Variants in PCDH19 observed in about 807,000 individuals in gnomAD.
The protein encoded by PCDH19 is protocadherin-19.
Under a neutral mutation model 46.2 loss-of-function variants are expected in PCDH19, and 6 were observed. That is an observed-to-expected ratio of 0.13 (90% CI 0.07 to 0.26). The LOEUF is 0.26. Ranked by LOEUF, PCDH19 falls within the 10% of genes least tolerant of loss-of-function variation. The pLI, the probability that PCDH19 is intolerant of heterozygous loss-of-function variation, is 1.00. For synonymous variants in PCDH19, 481 were observed against 415.7 expected (o/e 1.16, Z -1.91); for missense variants, 740 against 972.3 (o/e 0.76, Z 3.18).
chrX:100,366,869 G>C (rs1927081802), intron 3 of PCDH19, among the ~76,000 whole-genome samples: 1 of 111,749 alleles, frequency 8.9e-6, no homozygotes, highest in South Asian at 3.8e-4. Flanking sequence ...CAGTAATTCT[G>C]ACTGCCCTAC....
chrX:100,320,772 CT>C (rs1173899868), intron 5 of PCDH19, among the ~76,000 whole-genome samples: 958 of 95,091 alleles, frequency 0.01, 7 homozygotes, highest in African/African-American at 0.015. Flanking sequence ...AGAAAAAGTT[CT>C]TTTTTTTTTT....
At chrX:100,335,628 A>G (rs934455066) in intron 5 of PCDH19, among the ~76,000 whole-genome samples, 10 of 112,019 alleles carry the variant, frequency 8.9e-5, no homozygotes, top group African/African-American at 2.6e-4. Context: ...TTAAAATAGA[A>G]TTATTCATTT....
intron 3 of PCDH19, among the ~76,000 whole-genome samples, chrX:100,397,490 G>A (rs1471422699): frequency 8.9e-6 from 1 of 112,033 alleles, no homozygotes; most frequent in Non-Finnish European, 1.9e-5. Context: ...GATTGAGACT[G>A]AAACCAAAAT....
At chrX:100,342,247 T>C (rs1453822560) in intron 4 of PCDH19, among the ~76,000 whole-genome samples, 172 bp from the exon 5 acceptor site, 1 of 111,998 alleles carries the variant, frequency 8.9e-6, no homozygotes, top group African/African-American at 3.2e-5. Flanking sequence ...AACTTAACAT[T>C]GCACAGAGGT....
intron 3 of PCDH19, among the ~76,000 whole-genome samples, chrX:100,392,929 T>TA (rs1246166024): frequency 9.0e-6 from 1 of 111,326 alleles, no homozygotes; most frequent in Admixed American, 9.5e-5. Context: ...TTAGAAAAGA[T>TA]ATGGTTTTAT....
At chrX:100,350,733 T>G (rs775827901) in intron 3 of PCDH19, 29 bp from the exon 4 acceptor site, 38 of 957,908 alleles carry the variant, frequency 4.0e-5, no homozygotes, top group Non-Finnish European at 5.2e-5. Context: ...ATTAAAAAGG[T>G]TACACAGATG....
intron 3 of PCDH19, among the ~76,000 whole-genome samples, chrX:100,400,605 T>A (rs1346047721): frequency 1.8e-5 from 2 of 112,641 alleles, no homozygotes; most frequent in African/African-American, 3.2e-5. Context: ...CTGACATTAA[T>A]AATTATAACT....
At chrX:100,371,867 CA>C (rs2147509243) in intron 3 of PCDH19, among the ~76,000 whole-genome samples, 1 of 106,714 alleles carries the variant, frequency 9.4e-6, no homozygotes, top group East Asian at 2.9e-4. Flanking sequence ...CACACACACA[CA>C]CACACACACA....
intron 5 of PCDH19, among the ~76,000 whole-genome samples, chrX:100,322,865 A>ATATTTTTTTTT: frequency 0.032 from 1,725 of 54,026 alleles, 68 homozygotes; most frequent in Non-Finnish European, 0.051. Context: ...ATATATATAT[A>ATATTTTTTTTT]TTTTTGCAGC....
At chrX:100,396,264 T>G (rs1489098876) in intron 3 of PCDH19, among the ~76,000 whole-genome samples, 1 of 111,989 alleles carries the variant, frequency 8.9e-6, no homozygotes, top group Non-Finnish European at 1.9e-5. Context: ...AGTCCCCTAA[T>G]TCCTAACAAG....
At chrX:100,356,743 C>T (rs931842025) in intron 3 of PCDH19, among the ~76,000 whole-genome samples, 1 of 92,886 alleles carries the variant, frequency 1.1e-5, no homozygotes. Context: ...CCCCACACAC[C>T]CCAGCCCTAA....
At chrX:100,396,015 A>T (rs951600962) in intron 3 of PCDH19, among the ~76,000 whole-genome samples, 23 of 111,692 alleles carry the variant, frequency 2.1e-4, no homozygotes, top group African/African-American at 5.5e-4. Flanking sequence ...CGTGGGGGAA[A>T]ATGGCTGCTC....
At chrX:100,336,708 G>A (rs1437796392) in intron 5 of PCDH19, among the ~76,000 whole-genome samples, 3 of 112,060 alleles carry the variant, frequency 2.7e-5, no homozygotes, top group African/African-American at 6.5e-5. Flanking sequence ...AGTTAGCATG[G>A]AGGGAAACCA....
intron 3 of PCDH19, among the ~76,000 whole-genome samples, chrX:100,400,834 C>T (rs773544315): frequency 8.9e-6 from 1 of 111,908 alleles, no homozygotes; most frequent in Non-Finnish European, 1.9e-5. Flanking sequence ...AAAATTGACA[C>T]AAATACTATG....
chrX:100,336,800 ATAAT>A (rs1309780762), intron 5 of PCDH19, among the ~76,000 whole-genome samples: 1 of 111,781 alleles, frequency 8.9e-6, no homozygotes, highest in Non-Finnish European at 1.9e-5. Flanking sequence ...TTTATAATCA[ATAAT>A]TAAAACCATA....
intron 5 of PCDH19, among the ~76,000 whole-genome samples, chrX:100,336,838 T>G (rs1032625387): frequency 8.9e-6 from 1 of 111,801 alleles, no homozygotes; most frequent in African/African-American, 3.3e-5. Flanking sequence ...TGAGTGTAAT[T>G]TGAAACAAAA....
At chrX:100,399,787 G>A (rs1228953814) in intron 3 of PCDH19, among the ~76,000 whole-genome samples, 2 of 111,756 alleles carry the variant, frequency 1.8e-5, no homozygotes, top group East Asian at 2.8e-4. Context: ...TCTTGGCCAT[G>A]ACCAGCTGTA....
chrX:100,324,775 T>C (rs905442365), intron 5 of PCDH19, among the ~76,000 whole-genome samples: 1 of 111,110 alleles, frequency 9.0e-6, no homozygotes, highest in Non-Finnish European at 1.9e-5. Context: ...AGGGAGAATG[T>C]TTCATCAGCA....
At chrX:100,305,980 T>C (rs1379622111) in intron 5 of PCDH19, among the ~76,000 whole-genome samples, 1 of 111,666 alleles carries the variant, frequency 9.0e-6, no homozygotes, top group Non-Finnish European at 1.9e-5. Flanking sequence ...GGGACTTTAA[T>C]AGTCCACTGA....
Sources: gnomAD v4.1 joint callset for allele counts (sites outside exome capture counted in the v4.1 genomes callset) on GRCh38, gnomAD v4.1.1 for gene constraint, MANE v1.5 for transcripts, NCBI Gene and HGNC (gene_info 2026-07-23, HGNC 2026-07-21) for gene names.